AP3B1: variants seen among roughly 807,000 people sequenced by gnomAD.
AP3B1 encodes adaptor related protein complex 3 subunit beta 1, also known as AP-3 complex subunit beta-1.
AP3B1 carries 61 observed loss-of-function variants against 132.5 expected under a neutral mutation model. The observed-to-expected ratio is 0.46, with a 90% CI of 0.37 to 0.57. The LOEUF is 0.57. AP3B1 is among the 20% of genes least tolerant of loss of function. The pLI is 0.00. For missense variants in AP3B1, 1,120 were observed against 1,289.4 expected (o/e 0.87, Z 2.01); for synonymous variants, 388 against 438.3 (o/e 0.89, Z 1.43).
Position 78,116,153 on chromosome 5 carries a change from C to T in AP3B1, c.2050G>A (p.Asp684Asn). The T allele has an allele frequency of 6.2e-7, 1 of 1,612,396 alleles. No homozygotes were observed. Among genetic ancestry groups the T allele is most frequent in the Non-Finnish European group, 8.5e-7 (1 of 1,178,562 alleles). Residue 684 changes from aspartate (D) to asparagine (N), a missense_variant, in exon 18 of 27, where the codon GAC (aspartate) becomes AAC (asparagine). Asp to Asn is a conservative substitution (Grantham distance 23). Around this residue, in one of 3 missense-constraint regions of AP3B1, gnomAD observed 906 missense variants for 997.1 expected, o/e 0.91. Transcript: ENST00000255194. ...CTGTCACTGCTACTATCAGAAGAGT[C>T]CTCCTCTTCCTCAGATTCAGAATAA... ...KFYSESEEEE[D>N]SSDSSSDSES...
At chr5:78,151,364 C>T (rs183105610) in intron 14 of AP3B1, among the ~76,000 whole-genome samples, 1 of 152,306 alleles carries the variant, frequency 6.6e-6, no homozygotes, top group East Asian at 1.9e-4. Context: ...TTATAACTTT[C>T]TCTTGTCTGA....
chr5:78,079,907 T>C (rs560578829), intron 22 of AP3B1, among the ~76,000 whole-genome samples: 3 of 152,338 alleles, frequency 2.0e-5, no homozygotes, highest in East Asian at 3.9e-4. Flanking sequence ...GTTGCAAGTA[T>C]GGTTTTAAAC....
chr5:78,190,741 A>C (rs1744792830), intron 7 of AP3B1, among the ~76,000 whole-genome samples: 1 of 152,234 alleles, frequency 6.6e-6, no homozygotes, highest in Non-Finnish European at 1.5e-5. Flanking sequence ...ACATTATACA[A>C]GCACTTAGTG....
intron 23 of AP3B1, among the ~76,000 whole-genome samples, chr5:78,037,153 T>C (rs1747840646): frequency 6.6e-6 from 1 of 152,180 alleles, no homozygotes; most frequent in Non-Finnish European, 1.5e-5. Context: ...ATTTCTTCTA[T>C]TCTACATAGG....
chr5:78,054,945 A>G (rs1043266390), intron 22 of AP3B1, among the ~76,000 whole-genome samples: 2 of 151,742 alleles, frequency 1.3e-5, no homozygotes, highest in Non-Finnish European at 2.9e-5. Context: ...AGTTGCTGAA[A>G]ATTTCCTGAT....
Position 78,228,126 on chromosome 5 carries a change from A to T in AP3B1, c.375+18T>A, listed in dbSNP as rs775724254. On this transcript the variant is annotated intron_variant, in intron 4 of 26. Coordinates refer to ENST00000255194, the MANE Select transcript of AP3B1 (RefSeq NM_003664.5). ...GCAGAAACCTTGTAGCTATTTGCCTACTCACTCCATTATTTACCTTCAGAG... is the reference window on the plus strand; with the variant it reads ...GCAGAAACCTTGTAGCTATTTGCCTTCTCACTCCATTATTTACCTTCAGAG... 1.3e-5 allele frequency: 20 copies of T among 1,549,452 alleles called. No homozygotes were observed.
At chr5:78,012,334 A>T (rs192480828) in intron 26 of AP3B1, among the ~76,000 whole-genome samples, 1 of 140,956 alleles carries the variant, frequency 7.1e-6, no homozygotes, top group African/African-American at 2.7e-5. Context: ...TAAGAAAAGC[A>T]AAAAAAAAGT....
chr5:78,150,380 A>T (rs1175115317), intron 14 of AP3B1, among the ~76,000 whole-genome samples: 1 of 152,224 alleles, frequency 6.6e-6, no homozygotes, highest in Non-Finnish European at 1.5e-5. Flanking sequence ...ATAGGGACAG[A>T]AAAGTATCCA....
chr5:78,047,798 T>C (rs1748406570), intron 22 of AP3B1, among the ~76,000 whole-genome samples: 1 of 152,242 alleles, frequency 6.6e-6, no homozygotes, highest in Non-Finnish European at 1.5e-5. Context: ...AACTGTCCTT[T>C]GTCTCTGACC....
intron 1 of AP3B1, among the ~76,000 whole-genome samples, chr5:78,281,745 G>C (rs778699381): frequency 2.3e-4 from 35 of 152,232 alleles, no homozygotes; most frequent in Non-Finnish European, 3.7e-4. Flanking sequence ...GGAGAGAGGA[G>C]AAAATAGGGA....
chr5:78,140,904 T>C lies in AP3B1; in HGVS notation c.1650+239A>G, dbSNP rs150855098. Reference sequence around the variant, plus strand: ...TTATAATTCGTCTAGAATTCCACTGTATGTCAATACTTCTGCTACAGCATT... The same window carrying C: ...TTATAATTCGTCTAGAATTCCACTGCATGTCAATACTTCTGCTACAGCATT... On this transcript the variant is annotated intron_variant, in intron 15 of 26. Coordinates refer to ENST00000255194, the MANE Select transcript of AP3B1 (RefSeq NM_003664.5). Among the ~76,000 whole-genome samples the C allele has an allele frequency of 1.7e-3, 264 of 152,348 alleles. 3 individuals carry two copies. The highest frequency in any genetic ancestry group is 6.0e-3 in the African/African-American group (248 of 41,584).
intron 22 of AP3B1, chr5:78,087,692 T>C (rs1305053250): frequency 2.0e-6 from 2 of 985,178 alleles, no homozygotes; most frequent in African/African-American, 3.5e-5. Flanking sequence ...TCTCAATAAA[T>C]ACTTTCCTTA....
Position 78,181,571 on chromosome 5 carries a change from A to G in AP3B1, c.878T>C (p.Met293Thr), listed in dbSNP as rs760424300. 4 of 1,613,130 alleles carry G rather than the reference A, an allele frequency of 2.5e-6. No individual in the cohort carries two copies. Among genetic ancestry groups the G allele is most frequent in the Non-Finnish European group, 2.5e-6 (3 of 1,179,434 alleles). Residue 293 changes from methionine to threonine, a missense_variant, in exon 8 of 27, where the codon ATG (methionine) becomes ACG (threonine). This residue lies in a region of AP3B1 where 906 missense variants were observed against 997.1 expected (regional missense o/e 0.91). Coordinates refer to ENST00000255194, the MANE Select transcript of AP3B1 (RefSeq NM_003664.5). ...AATTAAGAGTCTATGATCTGGATCCATAGTATACGGCTTCTTCTTTTTGTC... is the reference window on the plus strand; with the variant it reads ...AATTAAGAGTCTATGATCTGGATCCGTAGTATACGGCTTCTTCTTTTTGTC... ...KTDKKKKPYT[M>T]DPDHRLLIRN...
intron 2 of AP3B1, among the ~76,000 whole-genome samples, chr5:78,242,632 C>G (rs1317577318): frequency 6.6e-6 from 1 of 152,136 alleles, no homozygotes; most frequent in Non-Finnish European, 1.5e-5. Context: ...GCCTTGAACT[C>G]CTGACCTCAA....
chr5:78,121,187 C>A (rs1029979094), intron 17 of AP3B1, among the ~76,000 whole-genome samples: 2 of 151,908 alleles, frequency 1.3e-5, no homozygotes, highest in African/African-American at 2.4e-5. Flanking sequence ...GGGACACATT[C>A]AAAGCAGTGT....
chr5:78,006,372 T>A (rs566127733), intron 26 of AP3B1, among the ~76,000 whole-genome samples: 2 of 152,224 alleles, frequency 1.3e-5, no homozygotes, highest in Non-Finnish European at 2.9e-5. Context: ...TTACCTAATA[T>A]ACACATAATC....
At chr5:78,004,601 T>C (rs1008647382) in intron 26 of AP3B1, among the ~76,000 whole-genome samples, 4 of 152,242 alleles carry the variant, frequency 2.6e-5, no homozygotes, top group African/African-American at 9.6e-5. Context: ...TAGAATAATG[T>C]ATCCAAACCA....
chr5:78,076,380 T>C (rs1749768000), intron 22 of AP3B1, among the ~76,000 whole-genome samples: 1 of 152,206 alleles, frequency 6.6e-6, no homozygotes, highest in South Asian at 2.1e-4. Context: ...AGTAAGGAAT[T>C]TGACCTAACC....
intron 1 of AP3B1, among the ~76,000 whole-genome samples, chr5:78,292,177 T>C (rs141170382): frequency 3.3e-4 from 51 of 152,290 alleles, no homozygotes; most frequent in Middle Eastern, 3.4e-3. Context: ...AGCTTTAAGT[T>C]TTTTATATAA....
Sources: gnomAD v4.1 joint callset for allele counts (sites outside exome capture counted in the v4.1 genomes callset) on GRCh38, gnomAD v4.1.1 for gene constraint, gnomAD v4.1.1 regional missense constraint, MANE v1.5 for transcripts, NCBI Gene and HGNC (gene_info 2026-07-23, HGNC 2026-07-21) for gene names.